Variants in HIBCH observed in about 807,000 individuals in gnomAD.
HIBCH encodes 3-hydroxyisobutyryl-CoA hydrolase, mitochondrial.
In HIBCH, 50 loss-of-function variants were observed where a neutral mutation model predicts 58.2. That is an observed-to-expected ratio of 0.86 (90% CI 0.68 to 1.09). HIBCH has a LOEUF of 1.09. Ranked by LOEUF, HIBCH falls within the 50% of genes least tolerant of loss-of-function variation. The pLI is 0.00. For synonymous variants in HIBCH, 151 were observed against 146.9 expected (o/e 1.03, Z -0.20); for missense variants, 450 against 449.7 (o/e 1.00, Z -0.01).
intron 5 of HIBCH, 94 bp from the exon 6 acceptor site, chr2:190,287,732 T>C: frequency 1.2e-6 from 1 of 868,626 alleles, no homozygotes; most frequent in Non-Finnish European, 1.9e-6. Context: ...CTCAAGATTT[T>C]CCCTAGGAAA....
intron 4 of HIBCH, among the ~76,000 whole-genome samples, chr2:190,292,396 C>T (rs1362691728): frequency 1.3e-5 from 2 of 152,108 alleles, no homozygotes; most frequent in Non-Finnish European, 2.9e-5. Flanking sequence ...CCTCCACCTC[C>T]CAGGTTCAAG....
At chr2:190,255,254 G>A (rs1686889424) in intron 7 of HIBCH, among the ~76,000 whole-genome samples, 1 of 152,142 alleles carries the variant, frequency 6.6e-6, no homozygotes, top group Non-Finnish European at 1.5e-5. Flanking sequence ...CATCACTCCT[G>A]CCCTCGATTC....
Position 190,254,763 on chromosome 2 carries a change from T to TTG in HIBCH, c.518-2457_518-2456insCA, listed in dbSNP as rs1339124294. ...AAACATGTTTCAAATCTATTCACTC[T>TTG]TTTCAACTCTATACCTCCAAACTAC... On this transcript the variant is annotated intron_variant, in intron 7 of 13. Transcript: ENST00000359678. The surrounding 1 kb of genome is among the most constrained non-coding windows in gnomAD (Gnocchi z 5.0). 2.0e-5 allele frequency among the ~76,000 whole-genome samples: 3 copies of TTG among 152,268 alleles called. No homozygotes were observed. Among genetic ancestry groups the TTG allele is most frequent in the Non-Finnish European group, 4.4e-5 (3 of 68,018 alleles).
chr2:190,201,665 T>G (rs1690247868), downstream of HIBCH: 1 of 167,062 alleles, frequency 6.0e-6, no homozygotes, highest in South Asian at 2.1e-4. Context: ...ATTTGAAATA[T>G]GCCATGTTTT....
In HIBCH at chr2:190,243,973, A is replaced by G. The variant is rs1382351573; in HGVS notation, c.891+914T>C. Among the ~76,000 whole-genome samples, 1 of 152,214 alleles carries G rather than the reference A, an allele frequency of 6.6e-6. No individual in the cohort carries two copies. Among genetic ancestry groups the G allele is most frequent in the East Asian group, 1.9e-4 (1 of 5,194 alleles). ...GAACAGGGCAAGATTCTGTCTCAAA[A>G]AAACGAAAACAAAAAAAATACAGTG... On this transcript the variant is annotated intron_variant, in intron 11 of 13. Transcript: ENST00000359678. This position sits in a 1 kb window ranked among gnomAD's most constrained non-coding sequence, Gnocchi z 4.1.
At chr2:190,245,007 T>A (rs766312695) in intron 10 of HIBCH, 39 bp from the exon 11 acceptor site, 1 of 1,227,524 alleles carries the variant, frequency 8.1e-7, no homozygotes, top group East Asian at 2.3e-5. Context: ...AATGTGTAAG[T>A]GATTTCCTGT....
At position 190,296,869 on chromosome 2, in the gene HIBCH, T is replaced by G. The variant is rs963471336; in HGVS notation, c.163A>C (p.Lys55Gln). ...TTAAGAGTCAGTGCATTGAGGAACT[T>G]TGGTCTGTTTAGTGTTATGACTCCC... ...CTGVITLNRPKFLNALTLNMI... is the reference protein window; with the variant it reads ...CTGVITLNRPQFLNALTLNMI... The change falls in exon 3 of 14, where the codon AAG (lysine) becomes CAG (glutamine). Residue 55 changes from lysine (K) to glutamine (Q), a missense_variant. Physicochemically the swap from Lys to Gln is moderately conservative, Grantham distance 53. Coordinates refer to ENST00000359678, the MANE Select transcript of HIBCH (RefSeq NM_014362.4). 1 of 1,614,014 alleles carries G rather than the reference T, an allele frequency of 6.2e-7. No individual in the cohort carries two copies. Among genetic ancestry groups the G allele is most frequent in the African/African-American group, 1.3e-5 (1 of 75,048 alleles).
intron 13 of HIBCH, chr2:190,208,670 T>G (rs2105898217): frequency 4.4e-6 from 2 of 457,696 alleles, no homozygotes; most frequent in South Asian, 5.2e-5. Flanking sequence ...CAGGTTTGAT[T>G]TTTTTTTTTT....
At chr2:190,277,069 T>G (rs1687571691) in intron 6 of HIBCH, among the ~76,000 whole-genome samples, 1 of 152,190 alleles carries the variant, frequency 6.6e-6, no homozygotes, top group South Asian at 2.1e-4. Context: ...CCCAGATGTT[T>G]TATATAAATG....
intron 11 of HIBCH, chr2:190,213,790 AGGTGACGTCC>A (rs1690568346): frequency 6.6e-6 from 1 of 152,464 alleles, no homozygotes; most frequent in African/African-American, 2.4e-5. Context: ...AACACTCAAC[AGGTGACGTCC>A]GGGATGACTG....
At chr2:190,261,995 G>T (rs562148976) in intron 6 of HIBCH, among the ~76,000 whole-genome samples, 57 of 152,092 alleles carry the variant, frequency 3.7e-4, no homozygotes, top group Non-Finnish European at 6.6e-4. Context: ...GGAGCAAAGA[G>T]GCAGGGGTGA....
chr2:190,192,883 T>G (rs1689783011), intron 1 of HIBCH, among the ~76,000 whole-genome samples: 1 of 152,176 alleles, frequency 6.6e-6, no homozygotes, highest in African/African-American at 2.4e-5. Flanking sequence ...CTACAATTAT[T>G]CCAGTAAATT....
chr2:190,233,412 G>A (rs147977450), intron 11 of HIBCH, among the ~76,000 whole-genome samples: 6 of 152,236 alleles, frequency 3.9e-5, no homozygotes, highest in South Asian at 2.1e-4. Flanking sequence ...TTCCCATGCC[G>A]TTCTCATGAT....
chr2:190,249,222 G>A (rs113579400), intron 9 of HIBCH, among the ~76,000 whole-genome samples: 3 of 152,124 alleles, frequency 2.0e-5, no homozygotes, highest in African/African-American at 7.2e-5. Flanking sequence ...AAAGATTCTT[G>A]GCTCTTATAA....
rs1688419454 is a variant in HIBCH, at chr2:190,306,781, T to C, written c.78+3973A>G. Among the ~76,000 whole-genome samples the C allele has an allele frequency of 6.6e-6, 1 of 152,206 alleles. No individual in the cohort carries two copies. Among genetic ancestry groups the C allele is most frequent in the African/African-American group, 2.4e-5 (1 of 41,448 alleles). On this transcript the variant is annotated intron_variant, in intron 2 of 13. Coordinates refer to ENST00000359678, the MANE Select transcript of HIBCH (RefSeq NM_014362.4). The surrounding 1 kb of genome is among the most constrained non-coding windows in gnomAD (Gnocchi z 4.6). ...GTTGAAATCCTAACCTCCAAGGTGA[T>C]GGCATAAGAGTGGGACCTTTGAGAG...
At chr2:190,298,575 C>A (rs149803318) in intron 2 of HIBCH, among the ~76,000 whole-genome samples, 1 of 152,178 alleles carries the variant, frequency 6.6e-6, no homozygotes, top group African/African-American at 2.4e-5. Flanking sequence ...ATATCCTTCT[C>A]CCACTTTTTG....
At chr2:190,265,572 G>A (rs1323756172) in intron 6 of HIBCH, among the ~76,000 whole-genome samples, 1 of 151,126 alleles carries the variant, frequency 6.6e-6, no homozygotes, top group African/African-American at 2.4e-5. Context: ...CCTTTTCACT[G>A]TTTCAAGGAT....
chr2:190,201,957 C>T (rs4853685), downstream of HIBCH: 48,828 of 166,842 alleles, frequency 0.29, 8,451 homozygotes, highest in East Asian at 0.47. Flanking sequence ...GCAAGGTCAT[C>T]TGCTGCTTAA....
chr2:190,265,453 CTCT>C (rs1257822589), intron 6 of HIBCH, among the ~76,000 whole-genome samples: 2 of 133,344 alleles, frequency 1.5e-5, no homozygotes, highest in Non-Finnish European at 3.1e-5. Context: ...CAATCTTTTG[CTCT>C]TTTTTTTTTT....
Sources: gnomAD v4.1 joint callset for allele counts (sites outside exome capture counted in the v4.1 genomes callset) on GRCh38, gnomAD v4.1.1 for gene constraint, Gnocchi (gnomAD v3.1) non-coding constraint, MANE v1.5 for transcripts, NCBI Gene and HGNC (gene_info 2026-07-23, HGNC 2026-07-21) for gene names.